LMAN2L: variants seen among roughly 807,000 people sequenced by gnomAD.
LMAN2L encodes the protein lectin, mannose binding 2 like, also known as VIP36-like protein.
LMAN2L carries 30 observed loss-of-function variants against 44.3 expected under a neutral mutation model. The observed-to-expected ratio is 0.68, with a 90% CI of 0.51 to 0.92. The LOEUF (loss-of-function observed/expected upper bound fraction) is 0.92, where lower values mean the gene tolerates loss of function less well. LMAN2L is among the 40% of genes least tolerant of loss of function. The pLI is 0.00. For synonymous variants in LMAN2L, 183 were observed against 171.1 expected, an observed-to-expected ratio of 1.07 and a Z score of -0.54; for missense variants, 429 against 446.1, an observed-to-expected ratio of 0.96 and a Z score of 0.35.
At chr2:96,727,810 G>T (rs946842224) in intron 4 of LMAN2L, among the ~76,000 whole-genome samples, 4 of 152,174 alleles carry the variant, frequency 2.6e-5, no homozygotes, top group African/African-American at 9.7e-5. Context: ...ACGGTCATTT[G>T]TAAGTTCTCA....
intron 4 of LMAN2L, among the ~76,000 whole-genome samples, chr2:96,716,517 G>A (rs2078043604): frequency 6.6e-6 from 1 of 152,062 alleles, no homozygotes; most frequent in African/African-American, 2.4e-5. Context: ...GTGAAGGAGG[G>A]GAGAGGAAGA....
At position 96,721,552 on chromosome 2, in the gene LMAN2L, C is replaced by T. The variant is rs140542036; in HGVS notation, c.508-9527G>A. On this transcript the variant is annotated intron_variant, in intron 4 of 7. Coordinates refer to ENST00000264963, the MANE Select transcript of LMAN2L (RefSeq NM_030805.4). Reference sequence around the variant, plus strand: ...CAGTCTTGCTCCATCGCCCAGGCTACAGTGCAGTGGCAATCATAGCTCACT... The same window carrying T: ...CAGTCTTGCTCCATCGCCCAGGCTATAGTGCAGTGGCAATCATAGCTCACT... 3.7e-4 allele frequency among the ~76,000 whole-genome samples: 56 copies of T among 151,896 alleles called. No homozygotes were observed. In the East Asian group the frequency reaches 0.01, roughly 28 times the overall value.
At chr2:96,713,212 C>A (rs2153322514) in intron 4 of LMAN2L, 3 of 1,326,436 alleles carry the variant, frequency 2.3e-6, no homozygotes, top group Non-Finnish European at 3.2e-6. Context: ...CAGAAAGACA[C>A]AGCCACAGAA....
chr2:96,732,186 A>C (rs1039227565), intron 4 of LMAN2L, among the ~76,000 whole-genome samples: 4 of 151,654 alleles, frequency 2.6e-5, no homozygotes, highest in African/African-American at 9.7e-5. Flanking sequence ...AATTTTCATA[A>C]TAAACCTTTG....
rs368242766 is a variant in LMAN2L, at chr2:96,707,273, G to A, written c.1030C>T (p.Arg344Ter). Reference protein sequence around the residue: ...ILYNKWQEQSRKRFY With the variant: ...ILYNKWQEQS ...AGGAGGGCTCAGTAGAAGCGCTTTC[G>A]GCTCTGTTCCTGCCATTTGTTGTAG... The change falls in exon 8 of 8, where the codon CGA becomes TGA. Residue 344 changes from arginine to a stop codon, truncating the protein, a stop_gained. Transcript: ENST00000264963. LOFTEE classifies it high-confidence loss of function. 4.3e-6 allele frequency: 7 copies of A among 1,613,886 alleles called. No individual in the cohort carries two copies. The highest frequency in any genetic ancestry group is 1.7e-5 in the Admixed American group (1 of 59,968).
chr2:96,722,252 G>C (rs1391649242), intron 4 of LMAN2L, among the ~76,000 whole-genome samples: 1 of 152,116 alleles, frequency 6.6e-6, no homozygotes, highest in Admixed American at 6.6e-5. Flanking sequence ...ACAGGCGTGA[G>C]CCACCGCACC....
intron 4 of LMAN2L, 39 bp downstream of exon 4, chr2:96,733,480 G>T: frequency 6.9e-7 from 1 of 1,452,756 alleles, no homozygotes; most frequent in Non-Finnish European, 9.7e-7. Context: ...GAACTGTGAT[G>T]TCAGTGTAGC....
At position 96,707,079 on chromosome 2, in the gene LMAN2L, T is replaced by C; in HGVS notation, c.*177A>G. The C allele has an allele frequency of 1.8e-6, 1 of 561,340 alleles. No individual in the cohort carries two copies. Among genetic ancestry groups the C allele is most frequent in the Non-Finnish European group, 3.0e-6 (1 of 333,012 alleles). 34.8% of individuals were successfully genotyped at this position (561,340 alleles called of 1,614,324 possible). ...TGGCTTCCCAGACCAGAGTTAGATG[T>C]CCCCATGCACAACCATGGGAATGCG... On this transcript the variant is annotated 3_prime_UTR_variant, in exon 8 of 8. Coordinates refer to ENST00000264963, the MANE Select transcript of LMAN2L (RefSeq NM_030805.4).
intron 4 of LMAN2L, chr2:96,712,988 T>A (rs754259740): frequency 2.6e-6 from 2 of 781,500 alleles, no homozygotes; most frequent in Non-Finnish European, 4.3e-6. Context: ...AAGATGGAGA[T>A]GCAGTCGAGA....
chr2:96,726,352 A>G (rs2078271452), intron 4 of LMAN2L, among the ~76,000 whole-genome samples: 1 of 151,576 alleles, frequency 6.6e-6, no homozygotes, highest in Non-Finnish European at 1.5e-5. Flanking sequence ...AATGTCTTTT[A>G]TTTCACTTTC....
At chr2:96,729,127 G>A (rs1312750739) in intron 4 of LMAN2L, among the ~76,000 whole-genome samples, 6 of 144,772 alleles carry the variant, frequency 4.1e-5, no homozygotes, top group South Asian at 2.2e-4. Context: ...AGCTGAGATC[G>A]CACCACTGCA....
intron 6 of LMAN2L, among the ~76,000 whole-genome samples, chr2:96,708,651 C>T (rs1181528263): frequency 6.6e-6 from 1 of 152,130 alleles, no homozygotes; most frequent in Non-Finnish European, 1.5e-5. Flanking sequence ...TGCACACACA[C>T]ACACGTACAA....
chr2:96,711,071 G>A (rs889464260), intron 6 of LMAN2L, among the ~76,000 whole-genome samples: 6 of 152,212 alleles, frequency 3.9e-5, no homozygotes, highest in Admixed American at 6.5e-5. Context: ...GGTTAAATGA[G>A]CTGAGGAGGA....
intron 2 of LMAN2L, among the ~76,000 whole-genome samples, chr2:96,737,737 A>T (rs1163136299): frequency 6.6e-6 from 1 of 152,218 alleles, no homozygotes; most frequent in Admixed American, 6.5e-5. Context: ...GGAAAAAAAA[A>T]TGAATTATTT....
At chr2:96,731,154 A>G (rs1349145799) in intron 4 of LMAN2L, among the ~76,000 whole-genome samples, 1 of 152,178 alleles carries the variant, frequency 6.6e-6, no homozygotes, top group African/African-American at 2.4e-5. Flanking sequence ...ATAGTGCCCC[A>G]GAGTTCCCCC....
intron 4 of LMAN2L, among the ~76,000 whole-genome samples, chr2:96,728,675 T>C (rs2078326209): frequency 6.6e-6 from 1 of 151,932 alleles, no homozygotes; most frequent in African/African-American, 2.4e-5. Context: ...AAACGCCGCC[T>C]CTACTAGAAA....
intron 1 of LMAN2L, among the ~76,000 whole-genome samples, chr2:96,739,449 T>G (rs928635933): frequency 6.6e-6 from 1 of 152,190 alleles, no homozygotes; most frequent in Admixed American, 6.5e-5. Context: ...ATTTATCATC[T>G]TCTCATTTCG....
chr2:96,707,393 C>T lies in LMAN2L; in HGVS notation c.910G>A (p.Ala304Thr), dbSNP rs1558944905. 1 of 1,610,902 alleles carries T rather than the reference C, an allele frequency of 6.2e-7. No individual in the cohort carries two copies. Reference sequence around the variant, plus strand: ...AGGCCACTCAGGGGCGGCAGTGGAGCTGTCACTGAGGAAGCAAGAGAGAAG... The same window carrying T: ...AGGCCACTCAGGGGCGGCAGTGGAGTTGTCACTGAGGAAGCAAGAGAGAAG... ...VDNMKLPEMT[A>T]PLPPLSGLAL... Residue 304 changes from alanine to threonine, a missense_variant, in exon 8 of 8, where the codon GCT (alanine) becomes ACT (threonine). By Grantham distance (58) the Ala-to-Thr change is moderately conservative. Transcript: ENST00000264963.
intron 4 of LMAN2L, among the ~76,000 whole-genome samples, chr2:96,733,169 A>T (rs923447289): frequency 1.3e-5 from 2 of 152,212 alleles, no homozygotes; most frequent in African/African-American, 4.8e-5. Flanking sequence ...ATGGATTAAA[A>T]GTCAGGGGAG....
Sources: gnomAD v4.1 joint callset for allele counts (sites outside exome capture counted in the v4.1 genomes callset) on GRCh38, gnomAD v4.1.1 for gene constraint, MANE v1.5 for transcripts, NCBI Gene and HGNC (gene_info 2026-07-23, HGNC 2026-07-21) for gene names.